TECTA: variants seen among roughly 807,000 people sequenced by gnomAD.
TECTA encodes the protein alpha-tectorin.
TECTA carries 128 observed loss-of-function variants against 216.8 expected under a neutral mutation model. The observed-to-expected ratio is 0.59, with a 90% CI of 0.51 to 0.68. The LOEUF (loss-of-function observed/expected upper bound fraction) is 0.68, where lower values mean the gene tolerates loss of function less well. TECTA is among the 30% of genes least tolerant of loss of function. TECTA has a pLI of 0.00. For synonymous variants in TECTA, 1,089 were observed against 1,117.1 expected, an observed-to-expected ratio of 0.97 and a Z score of 0.50; for missense variants, 2,551 against 2,786.2, an observed-to-expected ratio of 0.92 and a Z score of 1.90.
intron 4 of TECTA, chr11:121,110,241 A>C (rs1565517064): frequency 6.5e-6 from 1 of 152,814 alleles, no homozygotes; most frequent in Non-Finnish European, 1.5e-5. Flanking sequence ...TGACTTTGCC[A>C]GTGGAGAGTT....
intron 21 of TECTA, 98 bp downstream of exon 21, chr11:121,188,092 C>A: frequency 1.5e-6 from 2 of 1,328,214 alleles, no homozygotes; most frequent in Non-Finnish European, 2.1e-6. Context: ...GGACTGGAAT[C>A]ATCCATAGAT....
At chr11:121,137,292 A>T in intron 10 of TECTA, 129 bp from the exon 11 acceptor site, 3 of 1,211,728 alleles carry the variant, frequency 2.5e-6, no homozygotes, top group Non-Finnish European at 3.6e-6. Flanking sequence ...GCATACACAA[A>T]TGCATGCATG....
At chr11:121,146,361 T>C in intron 12 of TECTA, 1 of 566,994 alleles carries the variant, frequency 1.8e-6, no homozygotes, top group Non-Finnish European at 3.2e-6. Flanking sequence ...TGAAATAAGA[T>C]CATGCATATA....
chr11:121,145,593 G>T lies in TECTA; in HGVS notation c.3582G>T (p.Gly1194=). 1 of 1,614,190 alleles carries T rather than the reference G, an allele frequency of 6.2e-7. No homozygotes were observed. Among genetic ancestry groups the T allele is most frequent in the African/African-American group, 1.3e-5 (1 of 75,042 alleles). The change falls in exon 12 of 24, where the codon GGG becomes GGT. Residue 1194 remains glycine (G), a synonymous_variant. Transcript: ENST00000392793. ...SERLYLPLKL[G]QGKINIFSFG... is the part of the protein sequence containing the mutation. The stretch of plus-strand genomic sequence containing the variant: ...GGCTCTATCTGCCCCTGAAGCTGGG[G>T]CAAGGGAAGATAAATATCTTTTCCT...
rs1000310945 is a variant in TECTA at position 121,137,746 on chromosome 11, G to C, written c.3267G>C (p.Leu1089=). Residue 1089 remains leucine (L), a synonymous_variant, in exon 11 of 24, where the codon CTG becomes CTC. Transcript: ENST00000392793. ...AGTACTGCATGGAGGAAGGTGGCCT[G>C]TACTACTGCCAAGCCCGCACCGACG... ...DDEYCMEEGG[L]YYCQARTDAS... is the part of the protein sequence containing the mutation. 1 of 1,614,116 alleles carries C rather than the reference G, an allele frequency of 6.2e-7. No homozygotes were observed. The highest frequency in any genetic ancestry group is 8.5e-7 in the Non-Finnish European group (1 of 1,180,038).
intron 20 of TECTA, among the ~76,000 whole-genome samples, chr11:121,177,523 C>T (rs772816689): frequency 1.2e-4 from 19 of 152,300 alleles, no homozygotes; most frequent in Non-Finnish European, 1.0e-4. Context: ...GCTGTCTGAT[C>T]GTTCCTCTGG....
In TECTA at chr11:121,137,875, G is replaced by T; in HGVS notation, c.3396G>T (p.Arg1132Ser). 6.2e-7 allele frequency: 1 copy of T among 1,603,982 alleles called. No homozygotes were observed. The highest frequency in any genetic ancestry group is 1.1e-5 in the South Asian group (1 of 90,458). The change falls in exon 11 of 24, where the codon AGG (arginine) becomes AGT (serine). Residue 1132 changes from arginine to serine, a missense_variant. Arg to Ser is a moderately radical substitution (Grantham distance 110). Around this residue, in one of 3 missense-constraint regions of TECTA, gnomAD observed 2,375 missense variants for 2,563.9 expected, o/e 0.93. Coordinates refer to ENST00000392793, the MANE Select transcript of TECTA (RefSeq NM_005422.4). ...CPLILCTTGS[R>S]PSSDSFPKFV... Reference sequence around the variant, plus strand: ...TCATCCTGTGCACCACAGGAAGCAGGCCAAGCTCAGACTCTTTCCCCAAGT... The same window carrying T: ...TCATCCTGTGCACCACAGGAAGCAGTCCAAGCTCAGACTCTTTCCCCAAGT...
chr11:121,157,132 T>A (rs1946949304), intron 13 of TECTA, among the ~76,000 whole-genome samples: 2 of 152,216 alleles, frequency 1.3e-5, no homozygotes, highest in Non-Finnish European at 2.9e-5. Context: ...CATTCTTGAG[T>A]GAATTTTAAT....
chr11:121,149,312 A>C (rs1946868236), intron 12 of TECTA, among the ~76,000 whole-genome samples: 1 of 152,206 alleles, frequency 6.6e-6, no homozygotes, highest in Non-Finnish European at 1.5e-5. Context: ...CTTTTATTGG[A>C]GGCAGCTGCT....
rs727503461 is a variant in TECTA, at chr11:121,146,078, G to A, written c.4067G>A (p.Gly1356Glu). Residue 1356 changes from glycine (G) to glutamate (E), a missense_variant, in exon 12 of 24, where the codon GGG becomes GAG. Transcript: ENST00000392793. The stretch of plus-strand genomic sequence containing the variant: ...TACGCCAGCACCTGCCAGACTCAGG[G>A]GATTACGGTGACTGGCTGGAGGAAT... ...QNYASTCQTQGITVTGWRNYT... is the reference protein window; with the variant it reads ...QNYASTCQTQEITVTGWRNYT... The A allele has an allele frequency of 2.9e-5, 47 of 1,612,042 alleles. No homozygotes were observed. Among genetic ancestry groups the A allele is most frequent in the Non-Finnish European group, 3.8e-5 (45 of 1,180,030 alleles).
intron 23 of TECTA, 193 bp downstream of exon 23, chr11:121,190,073 AC>A: frequency 1.7e-5 from 10 of 596,438 alleles, no homozygotes; most frequent in Admixed American, 2.9e-5. Context: ...AACAACAACA[AC>A]AAAAAAACCT....
At position 121,166,563 on chromosome 11, in the gene TECTA, T is replaced by C; in HGVS notation, c.5384-15T>C. The C allele has an allele frequency of 6.2e-7, 1 of 1,614,032 alleles. No homozygotes were observed. The highest frequency in any genetic ancestry group is 1.3e-5 in the African/African-American group (1 of 75,034). ...GACTCCACTGATTTGCCTTTCGTAA[T>C]AACTGTTCCCACAGACTCACATGAC... is the stretch of plus-strand genomic sequence containing the variant. On this transcript the variant is annotated splice_polypyrimidine_tract_variant and intron_variant, in intron 17 of 23. Transcript: ENST00000392793.
rs376541939 is a variant in TECTA at position 121,105,944 on chromosome 11, G to C, written c.178G>C (p.Val60Leu). The change falls in exon 3 of 24, where the codon GTT becomes CTT. Residue 60 changes from valine (V) to leucine (L), a missense_variant. Val to Leu is a conservative substitution (Grantham distance 32). Coordinates refer to ENST00000392793, the MANE Select transcript of TECTA (RefSeq NM_005422.4). This position sits in a 1 kb window ranked among gnomAD's most constrained non-coding sequence, Gnocchi z 5.3. ...GGCCATCCCAGTTTTCTTCTTTGGC[G>C]TTCCTTACCGCACTGTCTATGTAAG... is the stretch of plus-strand genomic sequence containing the variant. Reference protein sequence around the residue: ...KLAIPVFFFGVPYRTVYVNNN... With the variant: ...KLAIPVFFFGLPYRTVYVNNN... 4 of 1,614,144 alleles carry C rather than the reference G, an allele frequency of 2.5e-6. No homozygotes were observed. Among genetic ancestry groups the C allele is most frequent in the Non-Finnish European group, 3.4e-6 (4 of 1,180,020 alleles).
rs760099896 is a variant in TECTA at position 121,125,616 on chromosome 11, C to T, written c.1518C>T (p.Asn506=). 6.2e-7 allele frequency: 1 copy of T among 1,613,578 alleles called. No individual in the cohort carries two copies. Among genetic ancestry groups the T allele is most frequent in the Admixed American group, 1.7e-5 (1 of 59,998 alleles). The change falls in exon 8 of 24, where the codon AAC becomes AAT. Residue 506 remains asparagine (N), a synonymous_variant. Coordinates refer to ENST00000392793, the MANE Select transcript of TECTA (RefSeq NM_005422.4). The part of the protein sequence containing the change: ...DWKCDSGCVD[N]CTQCDAATEA... ...AGTGCGACTCCGGCTGCGTCGACAACTGCACCCAGTGCGACGCTGCCACTG... is the reference window on the plus strand; with the variant it reads ...AGTGCGACTCCGGCTGCGTCGACAATTGCACCCAGTGCGACGCTGCCACTG...
At position 121,118,462 on chromosome 11, in the gene TECTA, C is replaced by T; in HGVS notation, c.947C>T (p.Ala316Val). The change falls in exon 7 of 24, where the codon GCT becomes GTT. Residue 316 changes from alanine (A) to valine (V), a missense_variant. Physicochemically the swap from Ala to Val is moderately conservative, Grantham distance 64 (BLOSUM62 0). Transcript: ENST00000392793. ...EPKGKFFYCSAVETSTCVVFG... is the reference protein window; with the variant it reads ...EPKGKFFYCSVVETSTCVVFG... ...AAAGGCAAATTCTTCTACTGCAGCGCTGTGGAGACCAGCACATGCGTGGTG... is the reference window on the plus strand; with the variant it reads ...AAAGGCAAATTCTTCTACTGCAGCGTTGTGGAGACCAGCACATGCGTGGTG... 6.2e-7 allele frequency: 1 copy of T among 1,614,234 alleles called. No individual in the cohort carries two copies. The highest frequency in any genetic ancestry group is 8.5e-7 in the Non-Finnish European group (1 of 1,180,046).
chr11:121,188,040 G>A (rs764485205), intron 21 of TECTA, 46 bp downstream of exon 21: 21 of 1,608,396 alleles, frequency 1.3e-5, no homozygotes, highest in Non-Finnish European at 1.8e-5. Flanking sequence ...ATTTCTCACT[G>A]TCTTGGTTTC....
At chr11:121,185,168 T>C (rs1039562294) in intron 20 of TECTA, among the ~76,000 whole-genome samples, 2 of 152,228 alleles carry the variant, frequency 1.3e-5, no homozygotes, top group African/African-American at 4.8e-5. Flanking sequence ...TAAACTGTGG[T>C]TGGGTGGGAA....
At position 121,145,971 on chromosome 11, in the gene TECTA, C is replaced by G. The variant is rs574027569; in HGVS notation, c.3960C>G (p.Pro1320=). The G allele has an allele frequency of 1.2e-6, 2 of 1,614,280 alleles. No homozygotes were observed. The highest frequency in any genetic ancestry group is 2.7e-5 in the African/African-American group (2 of 75,072). The part of the protein sequence containing the change: ...AFSKCHSKVN[P]TFFYKNCLFD... Reference sequence around the variant, plus strand: ...CCAAGTGTCACAGCAAAGTTAACCCCACCTTCTTCTATAAGAACTGCCTGT... The same window carrying G: ...CCAAGTGTCACAGCAAAGTTAACCCGACCTTCTTCTATAAGAACTGCCTGT... Residue 1320 remains proline, a synonymous_variant, in exon 12 of 24, where the codon CCC becomes CCG. Coordinates refer to ENST00000392793, the MANE Select transcript of TECTA (RefSeq NM_005422.4).
chr11:121,139,647 G>A (rs555756760), intron 11 of TECTA, among the ~76,000 whole-genome samples: 120 of 151,298 alleles, frequency 7.9e-4, no homozygotes, highest in African/African-American at 2.6e-3. Flanking sequence ...GCAAGATTGC[G>A]CCATTGCACT....
Sources: allele counts gnomAD v4.1 joint callset (sites outside exome capture counted in the v4.1 genomes callset), GRCh38; gene constraint gnomAD v4.1.1; regional missense constraint gnomAD v4.1.1; non-coding constraint Gnocchi (gnomAD v3.1); transcripts MANE v1.5; gene names NCBI Gene and HGNC (gene_info 2026-07-23, HGNC 2026-07-21).